The following SRGAP2 variants were observed in gnomAD, a reference collection of about 807,000 sequenced individuals.
The protein encoded by SRGAP2 is SLIT-ROBO Rho GTPase-activating protein 2.
Under a neutral mutation model 57.2 loss-of-function variants are expected in SRGAP2, and 15 were observed. The observed-to-expected ratio is 0.26, with a 90% CI of 0.18 to 0.40. The LOEUF is 0.40. Among genes scored for constraint, SRGAP2 ranks in the 10% least tolerant of loss-of-function variants. The pLI is 1.00. For synonymous variants in SRGAP2, 249 were observed against 248.0 expected, an observed-to-expected ratio of 1.00 and a Z score of -0.04; for missense variants, 520 against 669.6, an observed-to-expected ratio of 0.78 and a Z score of 2.47.
chr1:206,290,774 A>G (rs1474712837), intron 2 of SRGAP2, among the ~76,000 whole-genome samples: 1 of 151,996 alleles, frequency 6.6e-6, no homozygotes, highest in Non-Finnish European at 1.5e-5. Context: ...GTTATTAACA[A>G]AATTTTACAG....
At chr1:206,455,051 C>T (rs1663706488) in intron 21 of SRGAP2, 27 bp downstream of exon 21, 2 of 780,556 alleles carry the variant, frequency 2.6e-6, no homozygotes, top group Non-Finnish European at 4.8e-6. Context: ...ATTTTCTGCT[C>T]CCCTGAATGA....
At chr1:206,458,501 G>A (rs782379327) in intron 21 of SRGAP2, 122 bp from the exon 22 acceptor site, 27 of 710,468 alleles carry the variant, frequency 3.8e-5, no homozygotes, top group South Asian at 2.9e-4. Context: ...AGGAGAGAAC[G>A]AGTTCTGTGT....
chr1:206,385,883 T>C (rs1473148484), intron 5 of SRGAP2, among the ~76,000 whole-genome samples: 1 of 152,142 alleles, frequency 6.6e-6, no homozygotes, highest in Non-Finnish European at 1.5e-5. Context: ...CTGAGTGTGG[T>C]ATCCCCTGCC....
At chr1:206,333,351 G>A in intron 3 of SRGAP2, 1 of 1,327,084 alleles carries the variant, frequency 7.5e-7, no homozygotes, top group East Asian at 2.3e-5. Flanking sequence ...GCTTGAAGCA[G>A]ACAATCCAAG....
chr1:206,392,125 G>A (rs1657036138), intron 5 of SRGAP2, among the ~76,000 whole-genome samples: 2 of 152,222 alleles, frequency 1.3e-5, no homozygotes, highest in South Asian at 4.1e-4. Context: ...TGCAGTTGCT[G>A]TGAGAGGGTG....
At chr1:206,241,911 CGT>C (rs781785493) in intron 2 of SRGAP2, among the ~76,000 whole-genome samples, 4,171 of 103,994 alleles carry the variant, frequency 0.04, 149 homozygotes, top group African/African-American at 0.093. Flanking sequence ...GAGGTGTTTG[CGT>C]GTGTGTGTGT....
chr1:206,319,268 G>T (rs1217485310), intron 3 of SRGAP2, among the ~76,000 whole-genome samples: 1 of 147,418 alleles, frequency 6.8e-6, no homozygotes, highest in Non-Finnish European at 1.5e-5. Flanking sequence ...AAAATTATCC[G>T]GGTGTGGTGG....
intron 5 of SRGAP2, among the ~76,000 whole-genome samples, chr1:206,389,235 C>T (rs1418853250): frequency 4.8e-5 from 6 of 125,230 alleles, no homozygotes; most frequent in Non-Finnish European, 7.8e-5. Flanking sequence ...AGTGCAGTGG[C>T]GTGATCTCGG....
intron 3 of SRGAP2, among the ~76,000 whole-genome samples, chr1:206,321,212 C>T (rs1328356855): frequency 6.9e-6 from 1 of 144,690 alleles, no homozygotes; most frequent in Non-Finnish European, 1.5e-5. Flanking sequence ...CTGGCAATTT[C>T]TGATAATTTC....
rs539816414 is a variant in SRGAP2 at position 206,358,059 on chromosome 1, T to C, written c.423+15051T>C. ...ATATAAGGTAAGGAGAGAGGGTTTT[T>C]CCCCCTGCTGCTTTCCCTTTTTCTT... On this transcript the variant is annotated intron_variant, in intron 4 of 22. Transcript: ENST00000573034. 2.7e-3 allele frequency among the ~76,000 whole-genome samples: 404 copies of C among 151,366 alleles called. 4 individuals are homozygous for C. Among genetic ancestry groups the C allele is most frequent in the African/African-American group, 9.3e-3 (384 of 41,184 alleles).
intron 2 of SRGAP2, among the ~76,000 whole-genome samples, chr1:206,256,340 G>A (rs1553312381): frequency 6.6e-6 from 1 of 152,180 alleles, no homozygotes; most frequent in African/African-American, 2.4e-5. Context: ...GAAAGACTCT[G>A]TTCACATACC....
intron 2 of SRGAP2, among the ~76,000 whole-genome samples, chr1:206,212,418 A>T (rs1666373014): frequency 1.0e-5 from 1 of 97,102 alleles, no homozygotes; most frequent in African/African-American, 4.1e-5. Context: ...TAAAAGGTAC[A>T]CTATACCAAA....
chr1:206,432,693 C>T (rs567610966), intron 14 of SRGAP2, among the ~76,000 whole-genome samples: 1 of 152,304 alleles, frequency 6.6e-6, no homozygotes, highest in Admixed American at 6.5e-5. Context: ...TAGAATACTA[C>T]AGATGCTCCT....
chr1:206,262,332 A>G (rs1255406311), intron 2 of SRGAP2, among the ~76,000 whole-genome samples: 25 of 148,830 alleles, frequency 1.7e-4, no homozygotes, highest in Non-Finnish European at 2.4e-4. Flanking sequence ...ATTAAATGAG[A>G]TAATAGAAAT....
rs1303482734 is a variant in SRGAP2 at position 206,273,366 on chromosome 1, A to G, written c.68-29915A>G. On this transcript the variant is annotated intron_variant, in intron 2 of 22. Coordinates refer to ENST00000573034, the MANE Select transcript of SRGAP2 (RefSeq NM_015326.5). ...GAGTCTTTCCTCCCTAGGCCTGGTCAGCTTTTGCCCTTGGACAGGGGAAGA... is the reference window on the plus strand; with the variant it reads ...GAGTCTTTCCTCCCTAGGCCTGGTCGGCTTTTGCCCTTGGACAGGGGAAGA... Among the ~76,000 whole-genome samples the G allele has an allele frequency of 3.4e-5, 5 of 146,548 alleles. No individual in the cohort carries two copies. The South Asian group carries it at 6.3e-4, about 19-fold the overall frequency.
intron 4 of SRGAP2, among the ~76,000 whole-genome samples, chr1:206,364,527 T>A (rs1310687939): frequency 3.3e-5 from 5 of 152,082 alleles, no homozygotes; most frequent in African/African-American, 1.2e-4. Context: ...TCTCGAACTC[T>A]TGACCTCAGG....
intron 17 of SRGAP2, among the ~76,000 whole-genome samples, chr1:206,445,207 T>A (rs1662651672): frequency 6.6e-6 from 1 of 152,182 alleles, no homozygotes; most frequent in African/African-American, 2.4e-5. Context: ...TATCCAGAGC[T>A]GGCCCAGCCC....
chr1:206,378,620 G>T (rs191187289), intron 4 of SRGAP2, among the ~76,000 whole-genome samples: 19 of 152,210 alleles, frequency 1.2e-4, no homozygotes, highest in African/African-American at 3.9e-4. Flanking sequence ...TCTAGCTAGA[G>T]GATTGTAAAT....
In SRGAP2 at chr1:206,436,814, C is replaced by G. The variant is rs559966843; in HGVS notation, c.1556-151C>G. On this transcript the variant is annotated intron_variant, in intron 14 of 22. Coordinates refer to ENST00000573034, the MANE Select transcript of SRGAP2 (RefSeq NM_015326.5). Reference sequence around the variant, plus strand: ...TTATTCCAGTGACTTTTCCAACATCCTTGCACATGTTTTTCTCCTTTGGCC... The same window carrying G: ...TTATTCCAGTGACTTTTCCAACATCGTTGCACATGTTTTTCTCCTTTGGCC... 94 of 637,932 alleles carry G rather than the reference C, an allele frequency of 1.5e-4. 1 individual carries two copies. The highest frequency in any genetic ancestry group is 1.4e-3 in the African/African-American group (77 of 55,250). 39.5% of individuals were successfully genotyped at this position (637,932 alleles called of 1,614,324 possible).
Sources: gnomAD v4.1 joint callset for allele counts (sites outside exome capture counted in the v4.1 genomes callset) on GRCh38, gnomAD v4.1.1 for gene constraint, MANE v1.5 for transcripts, NCBI Gene and HGNC (gene_info 2026-07-23, HGNC 2026-07-21) for gene names.